RLN2: variants seen among roughly 807,000 people sequenced by gnomAD.
The protein encoded by RLN2 is prorelaxin H2.
In RLN2, 10 loss-of-function variants were observed where a neutral mutation model predicts 7.3. The observed-to-expected ratio is 1.36, with a 90% CI of 0.84 to 2.31. The LOEUF is 2.31. RLN2 is among the 30% of genes most tolerant of loss of function. RLN2 has a pLI of 0.00. For missense variants in RLN2, 298 were observed against 217.6 expected (o/e 1.37, Z -2.32); for synonymous variants, 103 against 82.3 (o/e 1.25, Z -1.36).
At chr9:5,317,759 G>T in the RLN2 span, among the ~76,000 whole-genome samples, 1 of 152,042 alleles carries the variant, frequency 6.6e-6, no homozygotes, top group East Asian at 1.9e-4. Flanking sequence ...ACTTGCAAAA[G>T]ATGTAAATTG....
the RLN2 span, chr9:5,335,445 A>C: frequency 6.2e-7 from 1 of 1,613,776 alleles, no homozygotes; most frequent in African/African-American, 1.3e-5. Flanking sequence ...CTAAGATTGG[A>C]ATCCTTTAAT....
upstream of RLN2, among the ~76,000 whole-genome samples, chr9:5,308,252 C>T (rs1816288624): frequency 6.6e-6 from 1 of 151,932 alleles, no homozygotes; most frequent in Non-Finnish European, 1.5e-5. Flanking sequence ...TTCTTCTCAG[C>T]AAACTGCTGG....
the RLN2 span, among the ~76,000 whole-genome samples, chr9:5,329,105 C>A: frequency 1.3e-5 from 2 of 151,392 alleles, no homozygotes; most frequent in Admixed American, 6.6e-5. Flanking sequence ...AGATCGAGAC[C>A]ATCCTGGCTA....
the RLN2 span, among the ~76,000 whole-genome samples, chr9:5,320,439 C>T: frequency 1.3e-5 from 2 of 152,030 alleles, no homozygotes; most frequent in South Asian, 2.1e-4. Flanking sequence ...GTCATGATCT[C>T]GGCTCACTGC....
chr9:5,305,359 C>CCACA (rs34733616), upstream of RLN2, among the ~76,000 whole-genome samples: 892 of 121,842 alleles, frequency 7.3e-3, 5 homozygotes, highest in East Asian at 0.015. Context: ...GGAGAACATA[C>CCACA]CACACACACA....
chr9:5,322,794 CT>C, the RLN2 span, among the ~76,000 whole-genome samples: 1 of 151,896 alleles, frequency 6.6e-6, no homozygotes, highest in East Asian at 1.9e-4. Flanking sequence ...TGTTTAAAGA[CT>C]TTTTAAAAGA....
At chr9:5,312,260 C>T in the RLN2 span, among the ~76,000 whole-genome samples, 2 of 152,012 alleles carry the variant, frequency 1.3e-5, no homozygotes, top group African/African-American at 2.4e-5. Context: ...TTCTCCCTTT[C>T]CATCTTTCAG....
chr9:5,309,425 T>C (rs1372834780), upstream of RLN2, among the ~76,000 whole-genome samples: 1 of 152,002 alleles, frequency 6.6e-6, no homozygotes, highest in East Asian at 1.9e-4. Flanking sequence ...CCCCTCTTCC[T>C]GTCTTCTCTC....
the RLN2 span, among the ~76,000 whole-genome samples, chr9:5,316,807 C>G: frequency 6.6e-6 from 1 of 151,772 alleles, no homozygotes; most frequent in Non-Finnish European, 1.5e-5. Context: ...GGGTATATAC[C>G]CAGTAATAGG....
the RLN2 span, chr9:5,335,325 G>C: frequency 1.2e-6 from 2 of 1,611,964 alleles, no homozygotes; most frequent in Non-Finnish European, 1.7e-6. Context: ...ACGTAGGGTC[G>C]TCTCTTTTTT....
the RLN2 span, among the ~76,000 whole-genome samples, chr9:5,316,390 C>A: frequency 2.0e-5 from 3 of 151,244 alleles, no homozygotes; most frequent in Admixed American, 2.0e-4. Context: ...TTTGCTGCAC[C>A]ATCAACCCGA....
chr9:5,316,311 C>CT, the RLN2 span, among the ~76,000 whole-genome samples: 8 of 151,738 alleles, frequency 5.3e-5, no homozygotes, highest in African/African-American at 2.4e-5. Flanking sequence ...ACTGATTTCT[C>CT]TTTTTTTTAT....
upstream of RLN2, among the ~76,000 whole-genome samples, chr9:5,305,425 A>G (rs1349305642): frequency 5.3e-5 from 8 of 151,136 alleles, no homozygotes; most frequent in Admixed American, 5.3e-4. Context: ...AGAGAGAGAG[A>G]GAAGAAAAAA....
intron 1 of RLN2, among the ~76,000 whole-genome samples, chr9:5,301,343 T>C (rs978750145): frequency 2.0e-5 from 3 of 152,184 alleles, no homozygotes; most frequent in Non-Finnish European, 2.9e-5. Flanking sequence ...TTTGCACCCA[T>C]TCAGCTCAGT....
At chr9:5,336,068 T>G in the RLN2 span, among the ~76,000 whole-genome samples, 3 of 152,072 alleles carry the variant, frequency 2.0e-5, no homozygotes, top group African/African-American at 7.3e-5. Flanking sequence ...ACTCAATGTT[T>G]CGTGGTGGGA....
At position 5,300,439 on chromosome 9, in the gene RLN2, C is replaced by A; in HGVS notation, c.217G>T (p.Val73Leu). Reference sequence around the variant, plus strand: ...GTATCTTTGTTGATGAAGGATGGCACAATTTCTGTTAAATTTAAAAAAAAA... The same window carrying A: ...GTATCTTTGTTGATGAAGGATGGCAAAATTTCTGTTAAATTTAAAAAAAAA... Reference protein sequence around the residue: ...PQTPRPVAEIVPSFINKDTET... With the variant: ...PQTPRPVAEILPSFINKDTET... Residue 73 changes from valine to leucine, a missense_variant, in exon 2 of 2, where the codon GTG becomes TTG. Physicochemically the swap from Val to Leu is conservative, Grantham distance 32. Coordinates refer to ENST00000381627, the MANE Select transcript of RLN2 (RefSeq NM_134441.3). 1 of 1,590,662 alleles carries A rather than the reference C, an allele frequency of 6.3e-7. No individual in the cohort carries two copies. The highest frequency in any genetic ancestry group is 1.1e-5 in the South Asian group (1 of 87,414).
the RLN2 span, chr9:5,335,316 C>T: frequency 1.5e-5 from 24 of 1,611,486 alleles, no homozygotes; most frequent in East Asian, 2.2e-5. Flanking sequence ...AACAGTGCCA[C>T]GTAGGGTCGT....
the RLN2 span, among the ~76,000 whole-genome samples, chr9:5,315,697 A>T: frequency 6.6e-6 from 1 of 152,102 alleles, no homozygotes; most frequent in African/African-American, 2.4e-5. Flanking sequence ...AAAAGCAGCA[A>T]GAGAACAGCA....
At chr9:5,335,634 A>ACGCC in the RLN2 span, 1 of 1,365,064 alleles carries the variant, frequency 7.3e-7, no homozygotes, top group Non-Finnish European at 1.0e-6. Flanking sequence ...GTGAAGGCGT[A>ACGCC]TTCACGTCAA....
Sources: allele counts gnomAD v4.1 joint callset (sites outside exome capture counted in the v4.1 genomes callset), GRCh38; gene constraint gnomAD v4.1.1; transcripts MANE v1.5; gene names NCBI Gene and HGNC (gene_info 2026-07-23, HGNC 2026-07-21).